ACER3: variants seen among roughly 807,000 people sequenced by gnomAD.
The protein encoded by ACER3 is alkaline ceramidase 3.
A neutral mutation model predicts 48.9 loss-of-function variants in ACER3; 16 were observed. The observed-to-expected ratio is 0.33, with a 90% CI of 0.22 to 0.50. The LOEUF is 0.50. ACER3 is among the 20% of genes least tolerant of loss of function. The probability of loss-of-function intolerance (pLI) is 0.98; values close to 1 mark genes in which losing one functional copy is unlikely to be tolerated. For synonymous variants in ACER3, 109 were observed against 107.8 expected (o/e 1.01, Z -0.07); for missense variants, 227 against 326.0 (o/e 0.70, Z 2.34).
chr11:77,008,010 C>A (rs1949189113), intron 7 of ACER3, among the ~76,000 whole-genome samples: 1 of 152,118 alleles, frequency 6.6e-6, no homozygotes, highest in South Asian at 2.1e-4. Context: ...ATACATATGT[C>A]AAAACATCAC....
chr11:76,885,979 G>A (rs892144990), intron 1 of ACER3, among the ~76,000 whole-genome samples: 1 of 152,194 alleles, frequency 6.6e-6, no homozygotes, highest in Non-Finnish European at 1.5e-5. Context: ...CCGTTGTCGT[G>A]AGCATGCATT....
At chr11:76,907,563 T>C (rs1946266006) in intron 1 of ACER3, among the ~76,000 whole-genome samples, 1 of 152,198 alleles carries the variant, frequency 6.6e-6, no homozygotes, top group Non-Finnish European at 1.5e-5. Context: ...AAGATTATTT[T>C]TGAATTGGAT....
intron 2 of ACER3, among the ~76,000 whole-genome samples, chr11:76,936,601 G>A (rs928632578): frequency 4.6e-5 from 7 of 151,802 alleles, no homozygotes; most frequent in East Asian, 1.9e-4. Context: ...AAATAAAGTC[G>A]CTTTTGCATG....
At chr11:76,930,150 A>G (rs1399713275) in intron 2 of ACER3, among the ~76,000 whole-genome samples, 1 of 152,176 alleles carries the variant, frequency 6.6e-6, no homozygotes, top group Non-Finnish European at 1.5e-5. Context: ...AGAGCCTGTC[A>G]TTGGTGTATT....
At chr11:76,953,402 A>G (rs934068024) in intron 2 of ACER3, among the ~76,000 whole-genome samples, 15 of 152,148 alleles carry the variant, frequency 9.9e-5, no homozygotes, top group African/African-American at 3.1e-4. Context: ...AGTTGAGACC[A>G]GCCTGGCCAA....
intron 2 of ACER3, among the ~76,000 whole-genome samples, chr11:76,948,633 A>G (rs563731914): frequency 2.4e-4 from 36 of 152,316 alleles, no homozygotes; most frequent in African/African-American, 8.2e-4. Context: ...CAGGCTGCTG[A>G]TGCCTTGACA....
chr11:76,901,229 T>C (rs1946075042), intron 1 of ACER3, among the ~76,000 whole-genome samples: 1 of 151,634 alleles, frequency 6.6e-6, no homozygotes, highest in African/African-American at 2.4e-5. Flanking sequence ...ACTTATGGGG[T>C]TCTCAGTGGG....
At chr11:76,872,005 A>C (rs12292156) in intron 1 of ACER3, among the ~76,000 whole-genome samples, 2 of 148,270 alleles carry the variant, frequency 1.3e-5, no homozygotes, top group African/African-American at 5.0e-5. Flanking sequence ...AGTGTAATGA[A>C]GCATATCTGA....
rs200630409 is a variant in ACER3 at position 76,992,116 on chromosome 11, G to GCAGGAGGATCCCTTGAGCC, written c.438+1568_438+1586dup. Among the ~76,000 whole-genome samples the GCAGGAGGATCCCTTGAGCC allele has an allele frequency of 3.9e-5, 6 of 151,998 alleles. No homozygotes were observed. In the South Asian group the frequency reaches 8.3e-4, roughly 21 times the overall value. On this transcript the variant is annotated intron_variant, in intron 6 of 10. Coordinates refer to ENST00000532485, the MANE Select transcript of ACER3 (RefSeq NM_018367.7). ...ATTCCTAGTTACTTGGGAAGCTGAG[G>GCAGGAGGATCCCTTGAGCC]CAGGAGGATCCCTTGAGCCCAGGAG...
chr11:76,895,681 TA>T (rs1945910252), intron 1 of ACER3, among the ~76,000 whole-genome samples: 1 of 152,136 alleles, frequency 6.6e-6, no homozygotes, highest in African/African-American at 2.4e-5. Flanking sequence ...GAAGCACCCT[TA>T]AGGGCAGAGA....
chr11:76,914,701 T>G (rs1384824120), intron 1 of ACER3, among the ~76,000 whole-genome samples: 1 of 152,240 alleles, frequency 6.6e-6, no homozygotes, highest in African/African-American at 2.4e-5. Flanking sequence ...ACTGGGTATA[T>G]ACTCAAAGGA....
At position 76,901,954 on chromosome 11, in the gene ACER3, G is replaced by T. The variant is rs181200840; in HGVS notation, c.104-24603G>T. ...AAATTGGACATAAGACAATGTGAGG[G>T]GTGGTCTCCTCCTTTATTCGAGTTA... is the stretch of plus-strand genomic sequence containing the variant. On this transcript the variant is annotated intron_variant, in intron 1 of 10. Transcript: ENST00000532485. Among the ~76,000 whole-genome samples the T allele has an allele frequency of 1.1e-4, 17 of 152,040 alleles. 1 individual carries two copies. The East Asian group carries it at 3.1e-3, about 28-fold the overall frequency.
At chr11:77,015,310 G>A in intron 8 of ACER3, 193 bp downstream of exon 8, 1 of 467,200 alleles carries the variant, frequency 2.1e-6, no homozygotes, top group East Asian at 4.0e-5. Context: ...TTGGACCTGA[G>A]ACTATTTCAT....
At chr11:76,868,887 GA>G (rs1384028448) in intron 1 of ACER3, among the ~76,000 whole-genome samples, 1 of 152,238 alleles carries the variant, frequency 6.6e-6, no homozygotes, top group Non-Finnish European at 1.5e-5. Context: ...AGGTGAACAA[GA>G]ACTCATCCAC....
At chr11:76,923,413 T>C (rs1946736965) in intron 1 of ACER3, among the ~76,000 whole-genome samples, 1 of 152,238 alleles carries the variant, frequency 6.6e-6, no homozygotes, top group South Asian at 2.1e-4. Context: ...TTCTAGCCTT[T>C]TATATGATCT....
At chr11:76,882,096 C>T (rs1449664936) in intron 1 of ACER3, among the ~76,000 whole-genome samples, 1 of 151,428 alleles carries the variant, frequency 6.6e-6, no homozygotes, top group Non-Finnish European at 1.5e-5. Context: ...GCTCCACCTC[C>T]CGAGTTCATG....
intron 6 of ACER3, among the ~76,000 whole-genome samples, chr11:76,995,734 G>A (rs1443310542): frequency 2.6e-5 from 4 of 152,208 alleles, no homozygotes; most frequent in African/African-American, 9.6e-5. Flanking sequence ...TAGGCCACTA[G>A]CAGTGGGGAG....
intron 4 of ACER3, among the ~76,000 whole-genome samples, chr11:76,978,808 C>T (rs56350632): frequency 0.021 from 3,183 of 152,274 alleles, 110 homozygotes; most frequent in African/African-American, 0.073. Context: ...TTCCAGGCAC[C>T]ACTGCATTCC....
chr11:76,932,512 G>T (rs1947034357), intron 2 of ACER3, among the ~76,000 whole-genome samples: 1 of 151,858 alleles, frequency 6.6e-6, no homozygotes, highest in Non-Finnish European at 1.5e-5. Context: ...TTTTTTCTGG[G>T]GTGTTTTCAT....
Sources: allele counts gnomAD v4.1 joint callset (sites outside exome capture counted in the v4.1 genomes callset), GRCh38; gene constraint gnomAD v4.1.1; transcripts MANE v1.5; gene names NCBI Gene and HGNC (gene_info 2026-07-23, HGNC 2026-07-21).